The following LPP variants were observed in gnomAD, a reference collection of about 807,000 sequenced individuals.
LPP encodes the protein LIM domain containing preferred translocation partner in lipoma, also known as lipoma-preferred partner.
LPP carries 38 observed loss-of-function variants against 60.4 expected under a neutral mutation model. That is an observed-to-expected ratio of 0.63 (90% confidence interval 0.49 to 0.83). LPP has a LOEUF of 0.83. Among genes scored for constraint, LPP ranks in the 40% least tolerant of loss-of-function variants. The probability of loss-of-function intolerance (pLI) is 0.00; values close to 1 mark genes in which losing one functional copy is unlikely to be tolerated. For missense variants in LPP, 902 were observed against 783.6 expected (o/e 1.15, Z -1.80); for synonymous variants, 328 against 290.8 (o/e 1.13, Z -1.30).
chr3:188,612,244 G>T (rs1428215102), intron 7 of LPP, among the ~76,000 whole-genome samples: 1 of 152,158 alleles, frequency 6.6e-6, no homozygotes, highest in African/African-American at 2.4e-5. Context: ...TGTCCTGTCT[G>T]TGCTTTGGGA....
chr3:188,534,049 T>C (rs980250263), intron 6 of LPP, among the ~76,000 whole-genome samples: 3 of 152,244 alleles, frequency 2.0e-5, no homozygotes, highest in Admixed American at 6.5e-5. Flanking sequence ...ATTGCACCTC[T>C]ACAAAGCTTT....
At chr3:188,282,094 C>T (rs550533150) in intron 2 of LPP, among the ~76,000 whole-genome samples, 2 of 151,836 alleles carry the variant, frequency 1.3e-5, no homozygotes, top group African/African-American at 2.4e-5. Flanking sequence ...GTTTTCTTAC[C>T]GTTCGTCTCC....
chr3:188,490,233 T>C (rs1807917966), intron 5 of LPP, among the ~76,000 whole-genome samples: 1 of 151,840 alleles, frequency 6.6e-6, no homozygotes, highest in Non-Finnish European at 1.5e-5. Context: ...TTCAAAGGAG[T>C]GAGTAAGCAC....
rs1305622939 is a variant in LPP at position 188,491,557 on chromosome 3, T to TAGC, written c.306+6868_306+6870dup. Among the ~76,000 whole-genome samples the TAGC allele has an allele frequency of 7.2e-5, 11 of 152,242 alleles. No homozygotes were observed. In the South Asian group the frequency reaches 1.2e-3, roughly 17 times the overall value. ...TTGTTTGTGACCCTGACAGCAACAG[T>TAGC]AGCAGCAGCAGCAGCAGAAGCAGCA... On this transcript the variant is annotated intron_variant, in intron 5 of 11. Transcript: ENST00000617246.
intron 7 of LPP, among the ~76,000 whole-genome samples, chr3:188,701,783 G>T: frequency 6.6e-6 from 1 of 151,792 alleles, no homozygotes; most frequent in Admixed American, 6.6e-5. Flanking sequence ...AGTGGTCTTG[G>T]TGTTAGAAGA....
At chr3:188,636,875 CAG>C (rs2148664930) in intron 7 of LPP, among the ~76,000 whole-genome samples, 1 of 147,740 alleles carries the variant, frequency 6.8e-6, no homozygotes, top group Non-Finnish European at 1.5e-5. Context: ...AACTAACAAA[CAG>C]AAAGGACATC....
At chr3:188,570,519 T>C (rs1199532960) in intron 6 of LPP, among the ~76,000 whole-genome samples, 2 of 152,008 alleles carry the variant, frequency 1.3e-5, no homozygotes, top group Non-Finnish European at 2.9e-5. Context: ...AAAGGACAAT[T>C]GGTCTCAGGC....
intron 2 of LPP, among the ~76,000 whole-genome samples, chr3:188,248,799 C>A (rs910658326): frequency 6.6e-6 from 1 of 151,964 alleles, no homozygotes; most frequent in Non-Finnish European, 1.5e-5. Context: ...TGCACCAGTT[C>A]GTTTGGTAAT....
rs569432010 is a variant in LPP at position 188,341,335 on chromosome 3, TC to T, written c.-66-326del. Among the ~76,000 whole-genome samples, 81 of 152,338 alleles carry T rather than the reference TC, an allele frequency of 5.3e-4. 2 individuals carry two copies. Among genetic ancestry groups the T allele is most frequent in the Admixed American group, 3.6e-3 (55 of 15,292 alleles). On this transcript the variant is annotated intron_variant, in intron 2 of 11. Coordinates refer to ENST00000617246, the MANE Select transcript of LPP (RefSeq NM_001375462.1). ...CTGTGTAATCTTGGGCAAATTACTT[TC>T]CTTTTGTGAACTTCAGTTTCTACTT... is the stretch of plus-strand genomic sequence containing the variant.
intron 10 of LPP, among the ~76,000 whole-genome samples, chr3:188,869,940 C>T (rs1471288187): frequency 1.3e-5 from 2 of 152,220 alleles, no homozygotes; most frequent in Non-Finnish European, 2.9e-5. Flanking sequence ...CACACACGTA[C>T]ACATTTTCTC....
intron 9 of LPP, among the ~76,000 whole-genome samples, chr3:188,857,989 T>G (rs1005933780): frequency 2.0e-5 from 3 of 152,202 alleles, no homozygotes; most frequent in African/African-American, 7.2e-5. Flanking sequence ...TTTGATAATA[T>G]GTGAACTCAT....
intron 9 of LPP, among the ~76,000 whole-genome samples, chr3:188,810,821 C>T (rs960391232): frequency 4.6e-5 from 7 of 151,984 alleles, no homozygotes; most frequent in African/African-American, 1.7e-4. Flanking sequence ...GAGTGGTGCT[C>T]CTTTCATTTT....
intron 6 of LPP, among the ~76,000 whole-genome samples, chr3:188,549,922 C>A (rs1194018739): frequency 1.3e-5 from 2 of 152,154 alleles, no homozygotes; most frequent in East Asian, 3.9e-4. Flanking sequence ...GCATTAAAAT[C>A]TTGGTTCTAA....
intron 1 of LPP, among the ~76,000 whole-genome samples, chr3:188,169,199 G>A (rs1720867336): frequency 6.6e-6 from 1 of 152,212 alleles, no homozygotes; most frequent in Admixed American, 6.5e-5. Context: ...AAGGTATTGA[G>A]CACATTCTCT....
chr3:188,446,003 A>C (rs1055171296), intron 4 of LPP, among the ~76,000 whole-genome samples: 1 of 152,170 alleles, frequency 6.6e-6, no homozygotes, highest in Admixed American at 6.5e-5. Context: ...AGGGAGGGGA[A>C]GTTTTCTGCC....
At chr3:188,406,025 A>T in intron 3 of LPP, 87 bp from the exon 4 acceptor site, 1 of 1,166,674 alleles carries the variant, frequency 8.6e-7, no homozygotes, top group African/African-American at 1.5e-5. Context: ...TGCATTTAGT[A>T]TGGATTAAGG....
chr3:188,482,455 T>C (rs925527676), intron 4 of LPP, among the ~76,000 whole-genome samples: 1 of 152,190 alleles, frequency 6.6e-6, no homozygotes, highest in Non-Finnish European at 1.5e-5. Flanking sequence ...TTCTTTTTAA[T>C]TAACAGATAT....
chr3:188,288,818 ACCCCCC>A (rs1744963007), intron 2 of LPP, among the ~76,000 whole-genome samples: 2 of 27,096 alleles, frequency 7.4e-5, no homozygotes, highest in African/African-American at 4.0e-4. Flanking sequence ...TCCACCCCCC[ACCCCCC>A]ACCCCCACCC....
At chr3:188,232,014 A>G (rs1720177792) in intron 2 of LPP, among the ~76,000 whole-genome samples, 1 of 152,194 alleles carries the variant, frequency 6.6e-6, no homozygotes, top group Non-Finnish European at 1.5e-5. Context: ...TGACAAGACC[A>G]GACATAAAAC....
Sources: allele counts gnomAD v4.1 joint callset (sites outside exome capture counted in the v4.1 genomes callset), GRCh38; gene constraint gnomAD v4.1.1; transcripts MANE v1.5; gene names NCBI Gene and HGNC (gene_info 2026-07-23, HGNC 2026-07-21).